Variants in FBXL17 observed in about 807,000 individuals in gnomAD.
FBXL17 encodes the protein F-box and leucine rich repeat protein 17.
FBXL17 carries 22 observed loss-of-function variants against 66.2 expected under a neutral mutation model. The observed-to-expected ratio is 0.33, with a 90% CI of 0.24 to 0.47. The LOEUF is 0.47. Ranked by LOEUF, FBXL17 falls within the 20% of genes least tolerant of loss-of-function variation. FBXL17 has a pLI of 1.00. For synonymous variants in FBXL17, 474 were observed against 400.5 expected (o/e 1.18, Z -2.19); for missense variants, 878 against 948.2 (o/e 0.93, Z 0.97).
At chr5:107,971,240 A>G (rs1297965604) in intron 7 of FBXL17, among the ~76,000 whole-genome samples, 1 of 152,164 alleles carries the variant, frequency 6.6e-6, no homozygotes, top group East Asian at 1.9e-4. Context: ...CACATCTTAA[A>G]CTTCTACCAG....
intron 6 of FBXL17, among the ~76,000 whole-genome samples, chr5:108,112,322 T>C (rs114050314): frequency 6.6e-6 from 1 of 152,178 alleles, no homozygotes; most frequent in Non-Finnish European, 1.5e-5. Context: ...ACTTGATACT[T>C]CCATGAGCTT....
chr5:108,300,293 T>C (rs1171995179), intron 4 of FBXL17, among the ~76,000 whole-genome samples: 1 of 151,990 alleles, frequency 6.6e-6, no homozygotes, highest in African/African-American at 2.4e-5. Flanking sequence ...GTCAAAGATC[T>C]AAAATGGAAG....
chr5:107,951,425 T>C (rs957763669), intron 7 of FBXL17, among the ~76,000 whole-genome samples: 2 of 152,246 alleles, frequency 1.3e-5, no homozygotes, highest in African/African-American at 4.8e-5. Flanking sequence ...CAGTGCATTC[T>C]GGCAGAACAG....
At chr5:107,875,670 A>G (rs1748597746) in intron 8 of FBXL17, among the ~76,000 whole-genome samples, 1 of 152,242 alleles carries the variant, frequency 6.6e-6, no homozygotes, top group Non-Finnish European at 1.5e-5. Context: ...ACTCCATGTG[A>G]AAACCACGAT....
At chr5:108,056,520 C>T (rs1237301500) in intron 6 of FBXL17, among the ~76,000 whole-genome samples, 1 of 152,156 alleles carries the variant, frequency 6.6e-6, no homozygotes, top group East Asian at 1.9e-4. Flanking sequence ...ATCACCCCAG[C>T]CAACTGGTGA....
rs78886491 is a variant in FBXL17, at chr5:107,890,710, G to A, written c.1823-9531C>T. The stretch of plus-strand genomic sequence containing the variant: ...TCTAACCTACTATGTATCAGAGTAG[G>A]ATGTGATTTCAGTGAACACCACTTA... On this transcript the variant is annotated intron_variant, in intron 7 of 8. Transcript: ENST00000542267. Among the ~76,000 whole-genome samples, 767 of 151,984 alleles carry A rather than the reference G, an allele frequency of 5.0e-3. 5 individuals carry two copies. Among genetic ancestry groups the A allele is most frequent in the Non-Finnish European group, 7.2e-3 (492 of 67,978 alleles).
intron 4 of FBXL17, among the ~76,000 whole-genome samples, chr5:108,269,286 G>C (rs926726692): frequency 6.6e-6 from 1 of 151,984 alleles, no homozygotes; most frequent in Admixed American, 6.5e-5. Context: ...TCAAAGTGGC[G>C]TATTTTGAGG....
intron 5 of FBXL17, among the ~76,000 whole-genome samples, chr5:108,192,509 T>C (rs967994497): frequency 1.3e-5 from 2 of 152,172 alleles, no homozygotes; most frequent in Non-Finnish European, 2.9e-5. Flanking sequence ...TGTACTTAAA[T>C]ATAAAATGAG....
chr5:108,236,599 G>T (rs929531344), intron 4 of FBXL17, among the ~76,000 whole-genome samples: 1 of 151,708 alleles, frequency 6.6e-6, no homozygotes, highest in Non-Finnish European at 1.5e-5. Context: ...AAATATCAAT[G>T]ACAATGTGGA....
chr5:107,935,149 C>T (rs185543014), intron 7 of FBXL17, among the ~76,000 whole-genome samples: 1 of 151,942 alleles, frequency 6.6e-6, no homozygotes, highest in East Asian at 1.9e-4. Context: ...TATTTCCTTA[C>T]TGAAGATGCA....
chr5:108,307,780 T>C (rs1758919354), intron 4 of FBXL17, among the ~76,000 whole-genome samples: 1 of 152,030 alleles, frequency 6.6e-6, no homozygotes, highest in Non-Finnish European at 1.5e-5. Flanking sequence ...CCCATTAACA[T>C]AGCTTTAAAA....
At chr5:108,215,391 T>TA (rs1754555665) in intron 5 of FBXL17, among the ~76,000 whole-genome samples, 1 of 152,192 alleles carries the variant, frequency 6.6e-6, no homozygotes, top group Non-Finnish European at 1.5e-5. Flanking sequence ...CCACTTTTTT[T>TA]ATTACAACCA....
intron 7 of FBXL17, among the ~76,000 whole-genome samples, chr5:108,017,882 T>C (rs1443978575): frequency 6.6e-6 from 1 of 152,158 alleles, no homozygotes; most frequent in Non-Finnish European, 1.5e-5. Flanking sequence ...TCGTTTTCTT[T>C]ATGACAACTA....
At chr5:108,257,502 G>A (rs1756625484) in intron 4 of FBXL17, among the ~76,000 whole-genome samples, 1 of 152,126 alleles carries the variant, frequency 6.6e-6, no homozygotes, top group South Asian at 2.1e-4. Flanking sequence ...CCAAAGTTCA[G>A]GAAGAGTAGC....
chr5:107,986,043 T>C (rs1752999545), intron 7 of FBXL17, among the ~76,000 whole-genome samples: 1 of 152,104 alleles, frequency 6.6e-6, no homozygotes, highest in South Asian at 2.1e-4. Context: ...GTTATAATAA[T>C]ATTATATGTG....
chr5:108,195,490 A>G (rs2150042931), intron 5 of FBXL17, among the ~76,000 whole-genome samples: 2 of 152,302 alleles, frequency 1.3e-5, no homozygotes, highest in East Asian at 3.9e-4. Context: ...ATGGTCAAAG[A>G]GGAGATCTAA....
chr5:108,250,454 T>G (rs534768003), intron 4 of FBXL17, among the ~76,000 whole-genome samples: 1 of 152,260 alleles, frequency 6.6e-6, no homozygotes, highest in African/African-American at 2.4e-5. Flanking sequence ...TTTTGAAGGA[T>G]GTTTTTTAGT....
At chr5:108,124,511 T>C (rs999347452) in intron 6 of FBXL17, among the ~76,000 whole-genome samples, 2 of 152,008 alleles carry the variant, frequency 1.3e-5, no homozygotes, top group African/African-American at 4.8e-5. Flanking sequence ...AGAACAAACA[T>C]AATTACAGGC....
At chr5:108,089,821 T>TTTG (rs918866951) in intron 6 of FBXL17, among the ~76,000 whole-genome samples, 4 of 152,030 alleles carry the variant, frequency 2.6e-5, no homozygotes, top group Non-Finnish European at 5.9e-5. Flanking sequence ...GTAAAATGCT[T>TTTG]TTGTTGTTGT....
Sources: gnomAD v4.1 joint callset for allele counts (sites outside exome capture counted in the v4.1 genomes callset) on GRCh38, gnomAD v4.1.1 for gene constraint, MANE v1.5 for transcripts, NCBI Gene and HGNC (gene_info 2026-07-23, HGNC 2026-07-21) for gene names.